BRAF: variants seen among roughly 807,000 people sequenced by gnomAD.
BRAF encodes B-Raf proto-oncogene, serine/threonine kinase, also known as serine/threonine-protein kinase B-raf.
Under a neutral mutation model 104.6 loss-of-function variants are expected in BRAF, and 16 were observed. That is an observed-to-expected ratio of 0.15 (90% CI 0.10 to 0.23). The LOEUF (loss-of-function observed/expected upper bound fraction) is 0.23. BRAF is among the 10% of genes least tolerant of loss of function. The pLI is 1.00. For synonymous variants in BRAF, 310 were observed against 341.6 expected (o/e 0.91, Z 1.02); for missense variants, 541 against 937.3 (o/e 0.58, Z 5.52).
At chr7:140,816,308 A>G (rs1804879849) in intron 3 of BRAF, among the ~76,000 whole-genome samples, 1 of 152,188 alleles carries the variant, frequency 6.6e-6, no homozygotes, top group Non-Finnish European at 1.5e-5. Context: ...GATCACTTGT[A>G]GATCTTAGTT....
At position 140,723,397 on chromosome 7, in the gene BRAF, A is replaced by G. The variant is rs1329062493; in HGVS notation, c.*3097T>C. The G allele has an allele frequency of 8.5e-6, 9 of 1,054,328 alleles. No individual in the cohort carries two copies. The highest frequency in any genetic ancestry group is 1.0e-5 in the Non-Finnish European group (9 of 872,802). The allele number at this position is 1,054,328 out of a possible 1,614,324, so 65.3% of individuals were successfully genotyped here. A position where few individuals can be genotyped will look rare whatever the true frequency, so the allele number is the denominator to read the frequency against. ...ATATAGCATATATCATTTGTATGGG[A>G]TTTTATCTTCTAAAATGCCCCAGTA... On this transcript the variant is annotated 3_prime_UTR_variant, in exon 20 of 20. Coordinates refer to ENST00000644969, the MANE Select transcript of BRAF (RefSeq NM_001374258.1).
intron 17 of BRAF, among the ~76,000 whole-genome samples, chr7:140,741,942 G>A (rs1337071594): frequency 6.6e-6 from 1 of 151,350 alleles, no homozygotes; most frequent in Non-Finnish European, 1.5e-5. Flanking sequence ...CTGGCCAACA[G>A]AGCGAGACTG....
chr7:140,766,345 C>T (rs956184442), intron 14 of BRAF, among the ~76,000 whole-genome samples: 2 of 151,810 alleles, frequency 1.3e-5, no homozygotes, highest in Non-Finnish European at 2.9e-5. Flanking sequence ...TGCTAAATGA[C>T]GAGTTAATGG....
intron 1 of BRAF, among the ~76,000 whole-genome samples, chr7:140,855,078 T>C (rs1809629548): frequency 6.6e-6 from 1 of 152,160 alleles, no homozygotes; most frequent in Non-Finnish European, 1.5e-5. Context: ...AAAGTCACAA[T>C]GACCCTTGTT....
intron 3 of BRAF, among the ~76,000 whole-genome samples, chr7:140,826,331 CT>C (rs369469034): frequency 3.3e-5 from 5 of 152,210 alleles, no homozygotes; most frequent in African/African-American, 9.6e-5. Context: ...TTCTACATTT[CT>C]TTTTTTCTAT....
chr7:140,779,109 C>T (rs185036893), intron 12 of BRAF, among the ~76,000 whole-genome samples: 1 of 152,270 alleles, frequency 6.6e-6, no homozygotes, highest in East Asian at 1.9e-4. Flanking sequence ...GTGAAAAGGG[C>T]CGACACAAAA....
chr7:140,721,733 T>C lies in BRAF; in HGVS notation c.*4761A>G. 6.6e-7 allele frequency: 1 copy of C among 1,514,188 alleles called. No homozygotes were observed. The highest frequency in any genetic ancestry group is 8.8e-7 in the Non-Finnish European group (1 of 1,137,936). 93.8% of individuals were successfully genotyped at this position (1,514,188 alleles called of 1,614,324 possible). ...CTGGAGACAATACATGGACTTTCTC[T>C]TTCAATGGTGAGGAATGAAACAAGA... On this transcript the variant is annotated 3_prime_UTR_variant, in exon 20 of 20. Transcript: ENST00000644969.
At chr7:140,890,491 A>AT (rs969304968) in intron 1 of BRAF, among the ~76,000 whole-genome samples, 8 of 150,518 alleles carry the variant, frequency 5.3e-5, no homozygotes, top group East Asian at 3.9e-4. Flanking sequence ...CTCCATCTAG[A>AT]TTTTTTTTTT....
In BRAF at chr7:140,902,076, T is replaced by C. The variant is rs555398294; in HGVS notation, c.138+22490A>G. ...GCTTTGCTTTACTGCTCTTAGCGGA[T>C]AATGGTTTTTGTTTGTTTTTTACAA... is the stretch of plus-strand genomic sequence containing the variant. On this transcript the variant is annotated intron_variant, in intron 1 of 19. Transcript: ENST00000644969. Among the ~76,000 whole-genome samples, 16 of 152,384 alleles carry C rather than the reference T, an allele frequency of 1.0e-4. No homozygotes were observed. The South Asian group carries it at 1.4e-3, about 14-fold the overall frequency.
intron 1 of BRAF, among the ~76,000 whole-genome samples, chr7:140,900,061 T>C (rs539378144): frequency 6.6e-6 from 1 of 152,348 alleles, no homozygotes; most frequent in Non-Finnish European, 1.5e-5. Context: ...CTCAAGGCCC[T>C]AAGCCAGAAA....
At chr7:140,800,177 T>C in intron 7 of BRAF, 185 bp downstream of exon 7, 6 of 924,490 alleles carry the variant, frequency 6.5e-6, no homozygotes, top group Non-Finnish European at 9.8e-6. Flanking sequence ...AAATAGTCTA[T>C]GTCAGCTTTA....
At position 140,741,306 on chromosome 7, in the gene BRAF, G is replaced by A. The variant is rs545806773; in HGVS notation, c.2113-1360C>T. Reference sequence around the variant, plus strand: ...CTCAAATAAATTAAGTAACTTGCCCGAGATAATACAGTTAAGTAAGTAACA... The same window carrying A: ...CTCAAATAAATTAAGTAACTTGCCCAAGATAATACAGTTAAGTAAGTAACA... On this transcript the variant is annotated intron_variant, in intron 17 of 19. Coordinates refer to ENST00000644969, the MANE Select transcript of BRAF (RefSeq NM_001374258.1). 1.3e-4 allele frequency: 20 copies of A among 152,280 alleles called. 1 individual carries two copies. Among genetic ancestry groups the A allele is most frequent in the Admixed American group, 7.2e-4 (11 of 15,286 alleles). 9.4% of individuals were successfully genotyped at this position (152,280 alleles called of 1,614,324 possible).
At chr7:140,800,532 A>C (rs887877277) in intron 6 of BRAF, 51 bp from the exon 7 acceptor site, 3 of 1,613,294 alleles carry the variant, frequency 1.9e-6, no homozygotes, top group Non-Finnish European at 2.5e-6. Flanking sequence ...CAGAAGCTTC[A>C]TATACCAAAA....
rs77541125 is a variant in BRAF at position 140,892,474 on chromosome 7, C to G, written c.138+32092G>C. On this transcript the variant is annotated intron_variant, in intron 1 of 19. Coordinates refer to ENST00000644969, the MANE Select transcript of BRAF (RefSeq NM_001374258.1). ...AGATTTAGATAACACAGTATCCCCC[C>G]TCATTTGAGCTTAGAAACTCAACAG... is the stretch of plus-strand genomic sequence containing the variant. Among the ~76,000 whole-genome samples the G allele has an allele frequency of 8.2e-4, 125 of 152,336 alleles. No individual in the cohort carries two copies. In the East Asian group the frequency reaches 0.018, roughly 21 times the overall value.
chr7:140,913,584 G>A (rs921050943), intron 1 of BRAF, among the ~76,000 whole-genome samples: 1 of 136,996 alleles, frequency 7.3e-6, no homozygotes, highest in African/African-American at 2.7e-5. Flanking sequence ...CCTGATTGAA[G>A]CGATTCTCTT....
intron 17 of BRAF, among the ~76,000 whole-genome samples, chr7:140,745,132 T>C (rs1032642943): frequency 3.3e-5 from 5 of 152,160 alleles, no homozygotes; most frequent in Admixed American, 1.3e-4. Context: ...AAAATCGGTA[T>C]GGTTTTTAGA....
intron 3 of BRAF, among the ~76,000 whole-genome samples, chr7:140,819,771 G>C (rs1427041679): frequency 6.6e-6 from 1 of 152,182 alleles, no homozygotes; most frequent in East Asian, 1.9e-4. Flanking sequence ...TGAAATGCCA[G>C]AGAATAGGCA....
chr7:140,886,520 T>A (rs1813580344), intron 1 of BRAF, among the ~76,000 whole-genome samples: 1 of 152,188 alleles, frequency 6.6e-6, no homozygotes, highest in African/African-American at 2.4e-5. Flanking sequence ...CCATACTCAA[T>A]AAACTGAACC....
intron 14 of BRAF, among the ~76,000 whole-genome samples, chr7:140,765,322 G>A (rs1231535235): frequency 2.6e-5 from 4 of 151,848 alleles, no homozygotes; most frequent in South Asian, 2.1e-4. Flanking sequence ...AGACTTAAAC[G>A]TTAGACCTAA....
Sources: gnomAD v4.1 joint callset for allele counts (sites outside exome capture counted in the v4.1 genomes callset) on GRCh38, gnomAD v4.1.1 for gene constraint, MANE v1.5 for transcripts, NCBI Gene and HGNC (gene_info 2026-07-23, HGNC 2026-07-21) for gene names.